Variants in CTNNA3 observed in about 807,000 individuals in gnomAD.
CTNNA3 encodes the protein catenin alpha 3.
CTNNA3 carries 76 observed loss-of-function variants against 95.7 expected under a neutral mutation model. The observed-to-expected ratio is 0.79, with a 90% CI of 0.66 to 0.96. The LOEUF (loss-of-function observed/expected upper bound fraction) is 0.96, where lower values mean the gene tolerates loss of function less well. Among genes scored for constraint, CTNNA3 ranks in the 40% least tolerant of loss-of-function variants. CTNNA3 has a pLI of 0.00. For synonymous variants in CTNNA3, 431 were observed against 374.4 expected (o/e 1.15, Z -1.74); for missense variants, 1,191 against 1,089.8 (o/e 1.09, Z -1.31).
chr10:66,023,658 G>A (rs1219454564), intron 15 of CTNNA3, among the ~76,000 whole-genome samples: 2 of 152,146 alleles, frequency 1.3e-5, no homozygotes, highest in African/African-American at 2.4e-5. Flanking sequence ...TTGAATAAAG[G>A]GATTTGAGTT....
chr10:66,519,659 C>T (rs1840987987), intron 11 of CTNNA3, among the ~76,000 whole-genome samples: 1 of 152,184 alleles, frequency 6.6e-6, no homozygotes, highest in Non-Finnish European at 1.5e-5. Context: ...CCCATTTCTA[C>T]TTGTCCCACT....
chr10:67,464,636 G>C (rs1349899075), intron 5 of CTNNA3, among the ~76,000 whole-genome samples: 1 of 152,136 alleles, frequency 6.6e-6, no homozygotes, highest in African/African-American at 2.4e-5. Context: ...AGGACAAAAA[G>C]ATATCCATGT....
At chr10:67,484,672 C>T (rs1848375881) in intron 5 of CTNNA3, among the ~76,000 whole-genome samples, 1 of 152,140 alleles carries the variant, frequency 6.6e-6, no homozygotes, top group African/African-American at 2.4e-5. Context: ...CAAAAGAAGA[C>T]ATACAGGTGG....
intron 7 of CTNNA3, among the ~76,000 whole-genome samples, chr10:67,085,864 A>T (rs1022870319): frequency 6.6e-6 from 1 of 152,034 alleles, no homozygotes; most frequent in South Asian, 2.1e-4. Flanking sequence ...GTTAATATCA[A>T]TGAAATAACA....
chr10:65,938,841 C>T (rs887572528), intron 17 of CTNNA3, among the ~76,000 whole-genome samples: 1 of 151,812 alleles, frequency 6.6e-6, no homozygotes. Flanking sequence ...CCCACTAACA[C>T]AGCTGTCAAG....
intron 7 of CTNNA3, among the ~76,000 whole-genome samples, chr10:67,043,277 G>A (rs182410488): frequency 2.0e-5 from 3 of 151,734 alleles, no homozygotes; most frequent in Non-Finnish European, 4.4e-5. Context: ...ATGGCCTGAG[G>A]GTTCTACATC....
intron 8 of CTNNA3, among the ~76,000 whole-genome samples, chr10:66,768,160 G>T (rs1049891227): frequency 1.3e-5 from 2 of 152,126 alleles, no homozygotes; most frequent in African/African-American, 4.8e-5. Context: ...TTCTCAGAGT[G>T]GGGGCATTTT....
intron 7 of CTNNA3, among the ~76,000 whole-genome samples, chr10:67,106,609 T>C (rs1052461746): frequency 6.6e-6 from 1 of 152,160 alleles, no homozygotes; most frequent in Admixed American, 6.5e-5. Context: ...GTTTTTCCCT[T>C]AGAAAGATAA....
chr10:66,708,968 C>G (rs1017178121), intron 9 of CTNNA3, among the ~76,000 whole-genome samples: 4 of 151,962 alleles, frequency 2.6e-5, no homozygotes, highest in Admixed American at 6.6e-5. Context: ...CTCCAGTGAG[C>G]TTTTATTCTA....
chr10:66,305,217 TTTAAG>T (rs1367063126), intron 12 of CTNNA3, among the ~76,000 whole-genome samples: 4 of 152,328 alleles, frequency 2.6e-5, no homozygotes, highest in South Asian at 4.1e-4. Context: ...TCCCTAGGTA[TTTAAG>T]TTATTAGTTG....
chr10:66,331,370 T>TAA (rs2092328396), intron 12 of CTNNA3, among the ~76,000 whole-genome samples: 1 of 90,184 alleles, frequency 1.1e-5, no homozygotes, highest in Non-Finnish European at 2.5e-5. Context: ...TTTTTTTTTT[T>TAA]TGAGACGGAG....
intron 9 of CTNNA3, among the ~76,000 whole-genome samples, chr10:66,752,932 T>G (rs1378503321): frequency 6.6e-6 from 1 of 152,096 alleles, no homozygotes; most frequent in African/African-American, 2.4e-5. Context: ...TGACTAACCC[T>G]AAGTCTAGGA....
chr10:66,105,355 C>G (rs2081848440), intron 13 of CTNNA3, among the ~76,000 whole-genome samples: 1 of 152,170 alleles, frequency 6.6e-6, no homozygotes, highest in African/African-American at 2.4e-5. Flanking sequence ...CTTGTTATAT[C>G]ACCAGGCCCT....
intron 5 of CTNNA3, among the ~76,000 whole-genome samples, chr10:67,516,015 T>C (rs912873703): frequency 6.6e-6 from 1 of 152,132 alleles, no homozygotes; most frequent in Non-Finnish European, 1.5e-5. Flanking sequence ...CAGGCTGGAG[T>C]GCAATGGCAT....
rs184400362 is a variant in CTNNA3 at position 66,125,669 on chromosome 10, A to G, written c.1885-22420T>C. Among the ~76,000 whole-genome samples the G allele has an allele frequency of 1.8e-4, 28 of 152,342 alleles. No individual in the cohort carries two copies. The East Asian group carries it at 4.3e-3, about 23-fold the overall frequency. On this transcript the variant is annotated intron_variant, in intron 13 of 17. Coordinates refer to ENST00000433211, the MANE Select transcript of CTNNA3 (RefSeq NM_013266.4). ...TTAGAATGGAGTATTCTTCATAAAT[A>G]TAAAGAAATGAACTATCAAGCTATG...
At chr10:67,763,483 T>TC (rs1310937627) in exon 1 of CTNNA3, among the ~76,000 whole-genome samples, 1 of 152,248 alleles carries the variant, frequency 6.6e-6, no homozygotes, top group Non-Finnish European at 1.5e-5. Flanking sequence ...CGAGTTGCCT[T>TC]CCTGCCTTAT....
At chr10:66,161,491 A>G (rs763231012) in intron 13 of CTNNA3, among the ~76,000 whole-genome samples, 2 of 152,116 alleles carry the variant, frequency 1.3e-5, no homozygotes, top group Non-Finnish European at 2.9e-5. Context: ...TTCTTGGCTG[A>G]TAATTGTTTT....
At chr10:67,424,079 AAC>A (rs1845833946) in intron 5 of CTNNA3, among the ~76,000 whole-genome samples, 1 of 152,194 alleles carries the variant, frequency 6.6e-6, no homozygotes, top group Admixed American at 6.5e-5. Context: ...AATGTCAATT[AAC>A]ACAGTCAGCC....
intron 5 of CTNNA3, among the ~76,000 whole-genome samples, chr10:67,241,543 C>A (rs1865718184): frequency 6.6e-6 from 1 of 151,974 alleles, no homozygotes; most frequent in South Asian, 2.1e-4. Flanking sequence ...CTTGCAATTC[C>A]TTCCTATTTA....
Sources: gnomAD v4.1 joint callset for allele counts (sites outside exome capture counted in the v4.1 genomes callset) on GRCh38, gnomAD v4.1.1 for gene constraint, MANE v1.5 for transcripts, NCBI Gene and HGNC (gene_info 2026-07-23, HGNC 2026-07-21) for gene names.